OR4N2: variants seen among roughly 807,000 people sequenced by gnomAD.
The protein encoded by OR4N2 is olfactory receptor family 4 subfamily N member 2.
For synonymous variants in OR4N2, 141 were observed against 140.4 expected, an observed-to-expected ratio of 1.00 and a Z score of -0.03; for missense variants, 307 against 377.6, an observed-to-expected ratio of 0.81 and a Z score of 1.55.
intron 1 of OR4N2, among the ~76,000 whole-genome samples, chr14:19,805,410 C>A (rs1286592745): frequency 4.6e-5 from 7 of 152,142 alleles, no homozygotes; most frequent in Non-Finnish European, 1.0e-4. Context: ...AAGTGAAACT[C>A]TAGAGTTAAA....
chr14:19,826,464 A>C (rs1356947034), intron 1 of OR4N2, among the ~76,000 whole-genome samples: 2 of 152,270 alleles, frequency 1.3e-5, no homozygotes, highest in African/African-American at 2.4e-5. Context: ...AGAGCAAAAA[A>C]TAAAACTCAC....
chr14:19,820,757 A>C (rs1594399780), intron 1 of OR4N2, among the ~76,000 whole-genome samples: 2 of 152,272 alleles, frequency 1.3e-5, no homozygotes, highest in East Asian at 3.8e-4. Context: ...CTCAAGCCTC[A>C]GTAATGGCAG....
intron 1 of OR4N2, among the ~76,000 whole-genome samples, chr14:19,820,311 T>A (rs1262275389): frequency 6.6e-6 from 1 of 152,280 alleles, no homozygotes; most frequent in Non-Finnish European, 1.5e-5. Context: ...CTTAGTTATT[T>A]CTTGTCTTCT....
intron 1 of OR4N2, among the ~76,000 whole-genome samples, chr14:19,815,666 T>TG (rs1416038898): frequency 1.4e-3 from 207 of 151,434 alleles, no homozygotes; most frequent in Middle Eastern, 3.4e-3. Flanking sequence ...TTTTTTTTTT[T>TG]TTTGTTTTTT....
At chr14:19,811,276 TCA>T (rs1209451283) in intron 1 of OR4N2, among the ~76,000 whole-genome samples, 1 of 152,252 alleles carries the variant, frequency 6.6e-6, no homozygotes, top group African/African-American at 2.4e-5. Context: ...AGATGGAGTC[TCA>T]CTCTGTCACC....
chr14:19,819,089 T>G (rs1040734525), intron 1 of OR4N2, among the ~76,000 whole-genome samples: 2 of 152,194 alleles, frequency 1.3e-5, no homozygotes, highest in African/African-American at 4.8e-5. Flanking sequence ...GGGTAACTAC[T>G]TGACCTTTCT....
In OR4N2 at chr14:19,828,121, A is replaced by G. The variant is rs1470939824; in HGVS notation, c.673A>G (p.Ile225Val). The G allele has an allele frequency of 1.2e-6, 2 of 1,614,110 alleles. No homozygotes were observed. The highest frequency in any genetic ancestry group is 1.7e-6 in the Non-Finnish European group (2 of 1,180,052). The change falls in exon 2 of 2, where the codon ATA becomes GTA. Residue 225 changes from isoleucine to valine, a missense_variant. Coordinates refer to ENST00000557677, the MANE Select transcript of OR4N2 (RefSeq NM_001004723.3). Reference protein sequence around the residue: ...LASYAVILCRIRGSSSEAKNK... With the variant: ...LASYAVILCRVRGSSSEAKNK... ...CTCCTATGCAGTCATTCTTTGTCGC[A>G]TACGAGGGTCTTCTTCTGAGGCAAA...
chr14:19,811,184 C>T (rs1879285721), intron 1 of OR4N2, among the ~76,000 whole-genome samples: 1 of 152,250 alleles, frequency 6.6e-6, no homozygotes, highest in Admixed American at 6.5e-5. Context: ...CAGGATTTTG[C>T]ATTGCAAGGA....
chr14:19,812,496 A>ATTTT (rs1310480870), intron 1 of OR4N2, among the ~76,000 whole-genome samples: 1 of 150,974 alleles, frequency 6.6e-6, no homozygotes, highest in Non-Finnish European at 1.5e-5. Context: ...AGCCGAGATA[A>ATTTT]TTTTTTTGTT....
At chr14:19,804,376 T>A (rs1780896) in intron 1 of OR4N2, among the ~76,000 whole-genome samples, 12,146 of 149,126 alleles carry the variant, frequency 0.081, 104 homozygotes, top group East Asian at 0.18. Context: ...GCTTTATATG[T>A]GCCCCAGGGA....
chr14:19,814,239 T>A (rs1462353037), intron 1 of OR4N2, among the ~76,000 whole-genome samples: 1 of 152,368 alleles, frequency 6.6e-6, no homozygotes, highest in South Asian at 2.1e-4. Flanking sequence ...ATGTTTTTCA[T>A]CCTTGTTTTA....
At chr14:19,816,641 CTT>C (rs1879435002) in intron 1 of OR4N2, among the ~76,000 whole-genome samples, 1 of 152,222 alleles carries the variant, frequency 6.6e-6, no homozygotes, top group South Asian at 2.1e-4. Flanking sequence ...CATCTGCAAA[CTT>C]TGACAATTTA....
chr14:19,823,240 A>G (rs1388309442), intron 1 of OR4N2, among the ~76,000 whole-genome samples: 1 of 152,218 alleles, frequency 6.6e-6, no homozygotes, highest in Non-Finnish European at 1.5e-5. Context: ...TTACATCCCT[A>G]TTTTTGAAAT....
At chr14:19,823,993 G>T (rs538229656) in intron 1 of OR4N2, among the ~76,000 whole-genome samples, 342 of 152,280 alleles carry the variant, frequency 2.2e-3, no homozygotes, top group African/African-American at 8.1e-3. Context: ...TGCAAATGTG[G>T]TGAACCCTTC....
Position 19,827,534 on chromosome 14 carries a change from T to G in OR4N2, c.86T>G (p.Val29Gly). 6.2e-7 allele frequency: 1 copy of G among 1,614,120 alleles called. No individual in the cohort carries two copies. The highest frequency in any genetic ancestry group is 2.2e-5 in the East Asian group (1 of 44,892). Residue 29 changes from valine to glycine, a missense_variant, in exon 2 of 2, where the codon GTG becomes GGG. Physicochemically the swap from Val to Gly is moderately radical, Grantham distance 109 (BLOSUM62 -3). Coordinates refer to ENST00000557677, the MANE Select transcript of OR4N2 (RefSeq NM_001004723.3). ...QSQDIQLLVF[V>G]LVLIFYFIIL... ...CAAGATATTCAGCTCCTGGTCTTTG[T>G]GCTAGTTTTAATATTCTACTTCATC...
chr14:19,812,968 A>T (rs1394461309), intron 1 of OR4N2, among the ~76,000 whole-genome samples: 7 of 152,258 alleles, frequency 4.6e-5, no homozygotes, highest in Admixed American at 2.6e-4. Context: ...TCATTGTAAA[A>T]TTAATTCAAG....
chr14:19,805,617 C>A (rs999077291), intron 1 of OR4N2, among the ~76,000 whole-genome samples: 28 of 152,124 alleles, frequency 1.8e-4, no homozygotes, highest in African/African-American at 6.3e-4. Context: ...CAACTCATTA[C>A]CATTACTGAG....
At chr14:19,822,835 CTA>C (rs1879599970) in intron 1 of OR4N2, among the ~76,000 whole-genome samples, 2 of 152,264 alleles carry the variant, frequency 1.3e-5, no homozygotes. Flanking sequence ...ATACATTAAA[CTA>C]TTTGGTAGAT....
chr14:19,805,642 A>G (rs545686346), intron 1 of OR4N2, among the ~76,000 whole-genome samples: 4 of 152,306 alleles, frequency 2.6e-5, no homozygotes, highest in African/African-American at 9.6e-5. Flanking sequence ...AAGGACAGAG[A>G]ATAAACAACT....
Sources: gnomAD v4.1 joint callset for allele counts (sites outside exome capture counted in the v4.1 genomes callset) on GRCh38, gnomAD v4.1.1 for gene constraint, MANE v1.5 for transcripts, NCBI Gene and HGNC (gene_info 2026-07-23, HGNC 2026-07-21) for gene names.